The following COLEC12 variants were observed in gnomAD, a reference collection of about 807,000 sequenced individuals.
COLEC12 encodes the protein collectin subfamily member 12.
COLEC12 carries 33 observed loss-of-function variants against 71.1 expected under a neutral mutation model. That is an observed-to-expected ratio of 0.46 (90% CI 0.35 to 0.62). The LOEUF is 0.62. Ranked by LOEUF, COLEC12 falls within the 20% of genes least tolerant of loss-of-function variation. COLEC12 has a pLI of 0.00. For missense variants in COLEC12, 765 were observed against 916.1 expected, an observed-to-expected ratio of 0.84 and a Z score of 2.13; for synonymous variants, 350 against 353.0, an observed-to-expected ratio of 0.99 and a Z score of 0.10.
chr18:439,498 CT>C (rs58885696), intron 2 of COLEC12, among the ~76,000 whole-genome samples: 3,196 of 146,052 alleles, frequency 0.022, 117 homozygotes, highest in African/African-American at 0.074. Flanking sequence ...AGCAGAGATT[CT>C]TTTTTTTTTT....
intron 5 of COLEC12, among the ~76,000 whole-genome samples, chr18:339,946 ACTGCTGAT>A (rs562938619): frequency 9.9e-5 from 15 of 152,110 alleles, no homozygotes; most frequent in Non-Finnish European, 1.9e-4. Flanking sequence ...GGATGCTGGC[ACTGCTGAT>A]TAGCATCTGG....
At chr18:442,939 C>T (rs942207916) in intron 2 of COLEC12, among the ~76,000 whole-genome samples, 3 of 152,092 alleles carry the variant, frequency 2.0e-5, no homozygotes, top group Non-Finnish European at 2.9e-5. Flanking sequence ...CCAGCCTGGG[C>T]GACAGAGCGA....
Position 346,965 on chromosome 18 carries a change from G to A in COLEC12, c.657C>T (p.Leu219=), listed in dbSNP as rs762593209. ...LNLTQVQQRN[L]ITNLQRSVDD... is the part of the protein sequence containing the mutation. ...CCACAGACCGCTGCAGATTCGTGAT[G>A]AGGTTCCTCTGCTGCACCTGGGTCA... The change falls in exon 5 of 10, where the codon CTC becomes CTT. Residue 219 remains leucine (L), a synonymous_variant. Transcript: ENST00000400256. This position sits in a 1 kb window ranked among gnomAD's most constrained non-coding sequence, Gnocchi z 4.0. 16 of 1,614,198 alleles carry A rather than the reference G, an allele frequency of 9.9e-6. No homozygotes were observed. The East Asian group carries it at 3.3e-4, about 34-fold the overall frequency.
chr18:490,895 C>T (rs896437466), intron 1 of COLEC12, among the ~76,000 whole-genome samples: 5 of 152,262 alleles, frequency 3.3e-5, no homozygotes, highest in African/African-American at 1.2e-4. Flanking sequence ...CTCTTCCATG[C>T]TGGCCCACTG....
At chr18:468,403 G>A (rs911539158) in intron 2 of COLEC12, among the ~76,000 whole-genome samples, 4 of 152,050 alleles carry the variant, frequency 2.6e-5, no homozygotes, top group Non-Finnish European at 5.9e-5. Context: ...TTTTGCAGAA[G>A]GGCTTATTTG....
intron 3 of COLEC12, among the ~76,000 whole-genome samples, chr18:352,715 C>G (rs1215068298): frequency 6.6e-6 from 1 of 152,158 alleles, no homozygotes; most frequent in Non-Finnish European, 1.5e-5. Context: ...TGGTGGAGAT[C>G]CAGAACTTAC....
intron 2 of COLEC12, among the ~76,000 whole-genome samples, chr18:366,825 T>C (rs902493200): frequency 1.3e-5 from 2 of 152,210 alleles, no homozygotes; most frequent in African/African-American, 4.8e-5. Flanking sequence ...CTCACTGTCC[T>C]GTGGGCCGGG....
chr18:361,078 C>T (rs1196818826), intron 2 of COLEC12, among the ~76,000 whole-genome samples: 1 of 152,186 alleles, frequency 6.6e-6, no homozygotes, highest in East Asian at 1.9e-4. Context: ...TGTACTTATT[C>T]TCCAATTCAG....
intron 2 of COLEC12, among the ~76,000 whole-genome samples, chr18:432,609 G>A (rs1166947021): frequency 6.6e-6 from 1 of 152,150 alleles, no homozygotes; most frequent in East Asian, 1.9e-4. Context: ...AAAACACTAA[G>A]TGAATGCAGA....
intron 2 of COLEC12, among the ~76,000 whole-genome samples, chr18:411,293 ACTAAAATATC>A (rs1915889155): frequency 6.6e-6 from 1 of 152,200 alleles, no homozygotes; most frequent in Non-Finnish European, 1.5e-5. Context: ...GTAACATAAT[ACTAAAATATC>A]CTGGTTTCAG....
At chr18:352,087 T>C (rs34223777) in intron 3 of COLEC12, among the ~76,000 whole-genome samples, 31,139 of 152,258 alleles carry the variant, frequency 0.2, 3,636 homozygotes, top group Middle Eastern at 0.36. Context: ...TGAGTAATTA[T>C]TATTTTTAAA....
rs72856626 is a variant in COLEC12 at position 480,802 on chromosome 18, C to T, written c.8-45G>A. ...ACGATGTTAATCCTGGCAAGGGGCACAGAAGCAGAGGGTGGGGCAGGATGC... is the reference window on the plus strand; with the variant it reads ...ACGATGTTAATCCTGGCAAGGGGCATAGAAGCAGAGGGTGGGGCAGGATGC... On this transcript the variant is annotated intron_variant, in intron 1 of 9. Transcript: ENST00000400256. The surrounding 1 kb of genome is among the most constrained non-coding windows in gnomAD (Gnocchi z 4.1). The T allele has an allele frequency of 0.016, 24,750 of 1,560,480 alleles. 359 individuals are homozygous for T. Among genetic ancestry groups the T allele is most frequent in the Non-Finnish European group, 0.016 (18,199 of 1,131,074 alleles).
chr18:427,383 G>GGGAGAGAAA (rs567464039), intron 2 of COLEC12, among the ~76,000 whole-genome samples: 19 of 152,188 alleles, frequency 1.2e-4, no homozygotes, highest in Non-Finnish European at 2.6e-4. Context: ...GTGGGCCGTA[G>GGGAGAGAAA]GGAGAGAAAT....
intron 8 of COLEC12, among the ~76,000 whole-genome samples, chr18:322,841 C>T (rs965616022): frequency 3.3e-5 from 5 of 152,026 alleles, no homozygotes; most frequent in Non-Finnish European, 2.9e-5. Context: ...CCAGAGGCAG[C>T]GGGAAAGGAC....
chr18:428,656 T>C (rs556826757), intron 2 of COLEC12, among the ~76,000 whole-genome samples: 1 of 152,356 alleles, frequency 6.6e-6, no homozygotes, highest in South Asian at 2.1e-4. Context: ...AGAAGCTGCA[T>C]TGCATGTAAT....
intron 2 of COLEC12, among the ~76,000 whole-genome samples, chr18:446,313 C>T (rs1567910409): frequency 6.6e-6 from 1 of 152,130 alleles, no homozygotes; most frequent in African/African-American, 2.4e-5. Context: ...CACAAACACA[C>T]ACCCCTAAGA....
intron 1 of COLEC12, among the ~76,000 whole-genome samples, chr18:488,679 C>G (rs762522416): frequency 9.2e-5 from 14 of 151,886 alleles, no homozygotes; most frequent in Non-Finnish European, 1.9e-4. Flanking sequence ...TCAAGACCAG[C>G]CTGGCCAACA....
At chr18:442,895 A>G (rs1163929044) in intron 2 of COLEC12, among the ~76,000 whole-genome samples, 1 of 152,178 alleles carries the variant, frequency 6.6e-6, no homozygotes, top group Non-Finnish European at 1.5e-5. Context: ...CGGGAGGTGG[A>G]GCTTGCAGTG....
intron 3 of COLEC12, among the ~76,000 whole-genome samples, chr18:350,088 CA>C (rs1394538527): frequency 6.6e-6 from 1 of 152,144 alleles, no homozygotes; most frequent in African/African-American, 2.4e-5. Flanking sequence ...TGGCAGGGGC[CA>C]GGGGTGGAAT....
Sources: allele counts gnomAD v4.1 joint callset (sites outside exome capture counted in the v4.1 genomes callset), GRCh38; gene constraint gnomAD v4.1.1; non-coding constraint Gnocchi (gnomAD v3.1); transcripts MANE v1.5; gene names NCBI Gene and HGNC (gene_info 2026-07-23, HGNC 2026-07-21).